SP100: variants seen among roughly 807,000 people sequenced by gnomAD.
SP100 encodes nuclear autoantigen Sp-100.
Under a neutral mutation model 130.0 loss-of-function variants are expected in SP100, and 84 were observed. That is an observed-to-expected ratio of 0.65 (90% CI 0.54 to 0.77). The LOEUF (loss-of-function observed/expected upper bound fraction) is 0.77. Ranked by LOEUF, SP100 falls within the 30% of genes least tolerant of loss-of-function variation. The probability of loss-of-function intolerance (pLI) is 0.00; values close to 1 mark genes in which losing one functional copy is unlikely to be tolerated. For synonymous variants in SP100, 331 were observed against 351.7 expected, an observed-to-expected ratio of 0.94 and a Z score of 0.66; for missense variants, 978 against 1,052.2, an observed-to-expected ratio of 0.93 and a Z score of 0.97.
At chr2:230,436,667 C>G (rs2063277296) in intron 2 of SP100, among the ~76,000 whole-genome samples, 1 of 152,170 alleles carries the variant, frequency 6.6e-6, no homozygotes, top group Non-Finnish European at 1.5e-5. Context: ...TTCTTTATAG[C>G]AGTGTGAAAA....
At chr2:230,515,949 C>T in intron 24 of SP100, 1 of 1,051,016 alleles carries the variant, frequency 9.5e-7, no homozygotes. Context: ...GTTTTTTCAC[C>T]TTCAGTTGTC....
At chr2:230,469,434 A>G (rs890641676) in intron 14 of SP100, 4 of 482,842 alleles carry the variant, frequency 8.3e-6, no homozygotes, top group African/African-American at 7.8e-5. Flanking sequence ...TTGGATAAGA[A>G]ACTGAGATGG....
At position 230,416,268 on chromosome 2, in the gene SP100, G is replaced by T. The variant is rs113958109; in HGVS notation, c.-29G>T. The T allele has an allele frequency of 2.4e-5, 38 of 1,606,064 alleles. No individual in the cohort carries two copies. Among genetic ancestry groups the T allele is most frequent in the African/African-American group, 2.3e-4 (17 of 74,784 alleles). The stretch of plus-strand genomic sequence containing the variant: ...CTGAGGGGCTCAGAGGCCAGGCTCT[G>T]AGGCCCACGCAGGGCCTAGGGTGGG... On this transcript the variant is annotated 5_prime_UTR_variant, in exon 1 of 29. Coordinates refer to ENST00000340126, the MANE Select transcript of SP100 (RefSeq NM_001080391.2).
rs2064610321 is a variant in SP100 at position 230,461,304 on chromosome 2, C to T, written c.863C>T (p.Ser288Phe). Reference sequence around the variant, plus strand: ...CACAACCATGGAATCCAAATTAATTCCTGTTCTGTGCGACTGGTGGATATA... The same window carrying T: ...CACAACCATGGAATCCAAATTAATTTCTGTTCTGTGCGACTGGTGGATATA... Reference protein sequence around the residue: ...ELHNHGIQINSCSVRLVDIKK... With the variant: ...ELHNHGIQINFCSVRLVDIKK... The change falls in exon 9 of 29, where the codon TCC becomes TTC. Residue 288 changes from serine to phenylalanine, a missense_variant. Coordinates refer to ENST00000340126, the MANE Select transcript of SP100 (RefSeq NM_001080391.2). The T allele has an allele frequency of 6.2e-7, 1 of 1,614,078 alleles. No individual in the cohort carries two copies. The highest frequency in any genetic ancestry group is 1.1e-5 in the South Asian group (1 of 91,078).
chr2:230,499,957 C>T (rs893113014), intron 19 of SP100, among the ~76,000 whole-genome samples: 1 of 152,076 alleles, frequency 6.6e-6, no homozygotes, highest in Non-Finnish European at 1.5e-5. Context: ...GAACCAGGCT[C>T]CCAATCCCCT....
intron 17 of SP100, among the ~76,000 whole-genome samples, chr2:230,481,860 C>CTAGA (rs1470912923): frequency 1.3e-5 from 2 of 152,222 alleles, no homozygotes; most frequent in Non-Finnish European, 2.9e-5. Flanking sequence ...TTCGTGTTGA[C>CTAGA]TCTACATAAG....
At chr2:230,532,938 G>A (rs555060244) in intron 24 of SP100, among the ~76,000 whole-genome samples, 18 of 152,112 alleles carry the variant, frequency 1.2e-4, no homozygotes, top group African/African-American at 3.6e-4. Context: ...CCACCACCAC[G>A]CCTGGCTAAT....
At chr2:230,432,696 G>A (rs1003295477) in intron 2 of SP100, among the ~76,000 whole-genome samples, 1 of 152,010 alleles carries the variant, frequency 6.6e-6, no homozygotes, top group East Asian at 1.9e-4. Context: ...TAATTGGCTT[G>A]TCTTCTTATT....
At chr2:230,442,035 CA>C (rs2063491646) in intron 2 of SP100, among the ~76,000 whole-genome samples, 1 of 139,548 alleles carries the variant, frequency 7.2e-6, no homozygotes, top group Middle Eastern at 3.9e-3. Flanking sequence ...GATCTTTAAC[CA>C]GAAACTTTTT....
chr2:230,483,100 A>G (rs942387583), intron 17 of SP100, among the ~76,000 whole-genome samples: 3 of 152,196 alleles, frequency 2.0e-5, no homozygotes, highest in African/African-American at 4.8e-5. Flanking sequence ...CTCAATAGGG[A>G]TAAAGAAGTG....
intron 25 of SP100, 77 bp downstream of exon 25, chr2:230,539,459 CAG>C (rs1692078636): frequency 5.2e-6 from 5 of 960,490 alleles, no homozygotes; most frequent in Non-Finnish European, 8.4e-6. Flanking sequence ...GAGTACTCTG[CAG>C]AGTTTCTGTA....
intron 19 of SP100, among the ~76,000 whole-genome samples, chr2:230,502,622 T>C (rs2067100873): frequency 6.6e-6 from 1 of 152,196 alleles, no homozygotes. Context: ...ATTCTTGCTC[T>C]CCTCCTGTTG....
At chr2:230,530,360 GAAAACTGGCTAGCCATATGT>G (rs565556181) in intron 24 of SP100, among the ~76,000 whole-genome samples, 571 of 152,290 alleles carry the variant, frequency 3.7e-3, no homozygotes, top group Non-Finnish European at 6.7e-3. Flanking sequence ...ATCGTGCTGG[GAAAACTGGCTAGCCATATGT>G]AGAAAGCTGA....
chr2:230,446,885 A>G lies in SP100; in HGVS notation c.506A>G (p.Gln169Arg), dbSNP rs2063733537. The stretch of plus-strand genomic sequence containing the variant: ...GAGAGGGAGGAGAGGTCTGGCCTCC[A>G]ACTAAGTCTTGAACAAGGTAAAAAT... ...EEEREERSGL[Q>R]LSLEQGTGEN... Residue 169 changes from glutamine to arginine, a missense_variant, in exon 5 of 29, where the codon CAA becomes CGA. By Grantham distance (43) the Gln-to-Arg change is conservative. Coordinates refer to ENST00000340126, the MANE Select transcript of SP100 (RefSeq NM_001080391.2). The G allele has an allele frequency of 6.2e-7, 1 of 1,608,476 alleles. No homozygotes were observed. The highest frequency in any genetic ancestry group is 8.5e-7 in the Non-Finnish European group (1 of 1,175,392).
chr2:230,485,419 T>C (rs904827532), intron 17 of SP100, among the ~76,000 whole-genome samples: 1 of 152,184 alleles, frequency 6.6e-6, no homozygotes, highest in Non-Finnish European at 1.5e-5. Flanking sequence ...ATACTCTATT[T>C]TCTGGCTATG....
intron 15 of SP100, among the ~76,000 whole-genome samples, chr2:230,471,507 C>A (rs2065262687): frequency 6.6e-6 from 1 of 152,184 alleles, no homozygotes; most frequent in South Asian, 2.1e-4. Flanking sequence ...AGATGCAGCC[C>A]ATTAGCTTGT....
At chr2:230,431,750 A>T (rs2063106376) in intron 2 of SP100, among the ~76,000 whole-genome samples, 1 of 152,108 alleles carries the variant, frequency 6.6e-6, no homozygotes, top group Admixed American at 6.5e-5. Flanking sequence ...GAAACATCCT[A>T]TGCAGTTTAA....
chr2:230,432,328 G>C (rs2063123648), intron 2 of SP100, among the ~76,000 whole-genome samples: 1 of 151,954 alleles, frequency 6.6e-6, no homozygotes, highest in South Asian at 2.1e-4. Context: ...TGACTATTAT[G>C]AATAATGCTG....
Position 230,490,295 on chromosome 2 carries a change from G to A in SP100, c.1601-4121G>A, listed in dbSNP as rs577178773. On this transcript the variant is annotated intron_variant, in intron 17 of 28. Transcript: ENST00000340126. The stretch of plus-strand genomic sequence containing the variant: ...TCTTTGTTGGTTTAAAGTCTGTTTT[G>A]TCAGAGACTAGGATTGCAACCTCTG... Among the ~76,000 whole-genome samples the A allele has an allele frequency of 2.9e-3, 437 of 151,714 alleles. 10 individuals are homozygous for A. The highest frequency in any genetic ancestry group is 4.2e-3 in the Admixed American group (64 of 15,240).
Sources: allele counts gnomAD v4.1 joint callset (sites outside exome capture counted in the v4.1 genomes callset), GRCh38; gene constraint gnomAD v4.1.1; transcripts MANE v1.5; gene names NCBI Gene and HGNC (gene_info 2026-07-23, HGNC 2026-07-21).